The following CACNA1E variants were observed in gnomAD, a reference collection of about 807,000 sequenced individuals.
CACNA1E encodes the protein voltage-dependent R-type calcium channel subunit alpha-1E.
Under a neutral mutation model 259.2 loss-of-function variants are expected in CACNA1E, and 40 were observed. The ratio of observed to expected loss-of-function variants is 0.15; its 90% CI spans 0.12 to 0.20. CACNA1E has a LOEUF of 0.20. Among genes scored for constraint, CACNA1E ranks in the 10% least tolerant of loss-of-function variants. CACNA1E has a pLI of 1.00. For missense variants in CACNA1E, 1,874 were observed against 3,040.1 expected, an observed-to-expected ratio of 0.62 and a Z score of 9.02; for synonymous variants, 1,104 against 1,138.5, an observed-to-expected ratio of 0.97 and a Z score of 0.61.
intron 37 of CACNA1E, among the ~76,000 whole-genome samples, chr1:181,775,666 A>G (rs758167140): frequency 3.3e-4 from 50 of 152,042 alleles, no homozygotes; most frequent in Non-Finnish European, 5.3e-4. Context: ...GGTTGAGGAA[A>G]GAAAACAAAA....
At chr1:181,528,576 G>T (rs1355388478) in intron 3 of CACNA1E, among the ~76,000 whole-genome samples, 1 of 152,212 alleles carries the variant, frequency 6.6e-6, no homozygotes, top group African/African-American at 2.4e-5. Flanking sequence ...TTAGAGACTT[G>T]TTGAATGGCT....
chr1:181,685,109 A>G (rs1046868892), intron 7 of CACNA1E, among the ~76,000 whole-genome samples: 3 of 151,422 alleles, frequency 2.0e-5, no homozygotes, highest in Non-Finnish European at 4.4e-5. Flanking sequence ...TGCATAGTAT[A>G]TACTAATTAG....
chr1:181,744,411 G>A (rs1415120806), intron 25 of CACNA1E, among the ~76,000 whole-genome samples: 3 of 152,216 alleles, frequency 2.0e-5, no homozygotes, highest in Non-Finnish European at 4.4e-5. Context: ...AAGGCTGGGA[G>A]TTTGAGAATA....
At chr1:181,691,879 T>A (rs1383684919) in intron 7 of CACNA1E, among the ~76,000 whole-genome samples, 2 of 152,010 alleles carry the variant, frequency 1.3e-5, no homozygotes, top group African/African-American at 2.4e-5. Flanking sequence ...TCAAACTATC[T>A]CTCTTTGCTA....
intron 18 of CACNA1E, among the ~76,000 whole-genome samples, chr1:181,727,222 G>A (rs1159981653): frequency 6.6e-6 from 1 of 152,208 alleles, no homozygotes; most frequent in African/African-American, 2.4e-5. Flanking sequence ...CCCAGCTGCT[G>A]AGGACAGAGG....
intron 2 of CACNA1E, among the ~76,000 whole-genome samples, chr1:181,466,476 AGGT>A (rs888130114): frequency 7.9e-5 from 12 of 152,024 alleles, no homozygotes; most frequent in African/African-American, 2.9e-4. Context: ...TGAGTTTGGG[AGGT>A]GGTGGTTGCA....
In CACNA1E at chr1:181,781,533, C is replaced by T. The variant is rs1572881961; in HGVS notation, c.5364+10C>T. On this transcript the variant is annotated intron_variant, in intron 39 of 47. Coordinates refer to ENST00000367573, the MANE Select transcript of CACNA1E (RefSeq NM_001205293.3). ...CAAAGTGGCATATAAGGTAGACCAC[C>T]CCTTCCTTTGCTCTGGGCTACAGAC... The T allele has an allele frequency of 7.2e-7, 1 of 1,394,836 alleles. No individual in the cohort carries two copies. The highest frequency in any genetic ancestry group is 1.0e-6 in the Non-Finnish European group (1 of 992,694). The allele number at this position is 1,394,836 out of a possible 1,614,324, so 86.4% of individuals were successfully genotyped here. A position where few individuals can be genotyped will look rare whatever the true frequency, so the allele number is the denominator to read the frequency against.
At position 181,732,663 on chromosome 1, in the gene CACNA1E, T is replaced by A. The variant is rs35737760; in HGVS notation, c.2577T>A (p.Asp859Glu). The change falls in exon 20 of 48, where the codon GAT becomes GAA. Residue 859 changes from aspartate (D) to glutamate (E), a missense_variant. Physicochemically the swap from Asp to Glu is conservative, Grantham distance 45. Around this residue, in one of 14 missense-constraint regions of CACNA1E, gnomAD observed 476 missense variants for 514.0 expected, o/e 0.93. Transcript: ENST00000367573. This position sits in a 1 kb window ranked among gnomAD's most constrained non-coding sequence, Gnocchi z 5.5. ...RISRGGSLKG[D>E]GGDRSSALDN... is the part of the protein sequence containing the mutation. Reference sequence around the variant, plus strand: ...GCCGTGGGGGGTCCCTCAAGGGGGATGGAGGGGACCGATCCAGTGCCCTGG... The same window carrying A: ...GCCGTGGGGGGTCCCTCAAGGGGGAAGGAGGGGACCGATCCAGTGCCCTGG... The A allele has an allele frequency of 0.13, 193,880 of 1,517,230 alleles. 13,365 individuals carry two copies. Among genetic ancestry groups the A allele is most frequent in the South Asian group, 0.24 (17,552 of 74,672 alleles). 94.0% of individuals were successfully genotyped at this position (1,517,230 alleles called of 1,614,324 possible). A position where few individuals can be genotyped will look rare whatever the true frequency, so the allele number is the denominator to read the frequency against.
intron 23 of CACNA1E, among the ~76,000 whole-genome samples, chr1:181,738,019 A>C (rs564774380): frequency 6.6e-6 from 1 of 152,316 alleles, no homozygotes; most frequent in African/African-American, 2.4e-5. Flanking sequence ...AGGAGACATG[A>C]GGGACGCGAG....
At chr1:181,642,435 C>T (rs548091946) in intron 6 of CACNA1E, among the ~76,000 whole-genome samples, 10 of 152,052 alleles carry the variant, frequency 6.6e-5, no homozygotes, top group African/African-American at 2.2e-4. Flanking sequence ...GGTTGAAGAG[C>T]GGTTACCTTG....
intron 2 of CACNA1E, among the ~76,000 whole-genome samples, chr1:181,422,760 C>G (rs1448183777): frequency 6.6e-6 from 1 of 152,126 alleles, no homozygotes; most frequent in African/African-American, 2.4e-5. Flanking sequence ...TCCTCACCTT[C>G]AGGAGCCTGT....
In CACNA1E at chr1:181,763,748, T is replaced by C. The variant is rs73045141; in HGVS notation, c.4815+217T>C. ...ATGTCTACTGGATAGAATCTTATTT[T>C]AGAAAAACACCTTGACTTTGTGACT... On this transcript the variant is annotated intron_variant, in intron 34 of 47. Coordinates refer to ENST00000367573, the MANE Select transcript of CACNA1E (RefSeq NM_001205293.3). Among the ~76,000 whole-genome samples the C allele has an allele frequency of 0.032, 4,932 of 152,290 alleles. 136 individuals carry two copies. Among genetic ancestry groups the C allele is most frequent in the African/African-American group, 0.077 (3,214 of 41,554 alleles).
intron 24 of CACNA1E, 109 bp downstream of exon 24, chr1:181,738,535 C>T (rs1342774944): frequency 4.9e-5 from 41 of 839,406 alleles, no homozygotes; most frequent in Non-Finnish European, 3.2e-5. Context: ...CAATGGCAGC[C>T]CTCAGTAGAG....
intron 7 of CACNA1E, among the ~76,000 whole-genome samples, chr1:181,708,965 CAGG>C (rs992503292): frequency 6.6e-6 from 1 of 152,026 alleles, no homozygotes; most frequent in African/African-American, 2.4e-5. Flanking sequence ...GAGAAAGAGA[CAGG>C]AGGTTGAGAG....
chr1:181,331,015 A>G (rs998285261), intron 1 of CACNA1E, among the ~76,000 whole-genome samples: 2 of 152,184 alleles, frequency 1.3e-5, no homozygotes, highest in African/African-American at 4.8e-5. Context: ...GCACCACCAT[A>G]GTACCTGTGG....
chr1:181,568,011 T>C (rs1420009618), intron 3 of CACNA1E, among the ~76,000 whole-genome samples: 1 of 152,200 alleles, frequency 6.6e-6, no homozygotes, highest in Non-Finnish European at 1.5e-5. Flanking sequence ...TTGCTTAATG[T>C]AGGCTATGAT....
chr1:181,717,348 G>C (rs761568553), intron 11 of CACNA1E, 46 bp downstream of exon 11: 11 of 1,510,660 alleles, frequency 7.3e-6, no homozygotes, highest in Non-Finnish European at 1.0e-5. Context: ...GTCCCCATGT[G>C]GGGCAGCTTG....
In CACNA1E at chr1:181,798,764, C is replaced by T; in HGVS notation, c.6872C>T (p.Pro2291Leu). ...GHYRRRRRGG[P>L]GPGMMCGAVN... Reference sequence around the variant, plus strand: ...TATCGGCGGCGGAGGCGCGGGGGGCCTGGGCCAGGCATGATGTGTGGGGCT... The same window carrying T: ...TATCGGCGGCGGAGGCGCGGGGGGCTTGGGCCAGGCATGATGTGTGGGGCT... Residue 2291 changes from proline (P) to leucine (L), a missense_variant, in exon 48 of 48, where the codon CCT becomes CTT. Pro to Leu is a moderately conservative substitution (Grantham distance 98). Coordinates refer to ENST00000367573, the MANE Select transcript of CACNA1E (RefSeq NM_001205293.3). The surrounding 1 kb of genome is among the most constrained non-coding windows in gnomAD (Gnocchi z 4.2). 6.3e-7 allele frequency: 1 copy of T among 1,596,874 alleles called. No individual in the cohort carries two copies. Among genetic ancestry groups the T allele is most frequent in the Non-Finnish European group, 8.5e-7 (1 of 1,171,500 alleles).
intron 25 of CACNA1E, among the ~76,000 whole-genome samples, chr1:181,748,469 G>C (rs1297840855): frequency 3.3e-5 from 5 of 152,180 alleles, no homozygotes; most frequent in African/African-American, 1.2e-4. Context: ...GAAGACGCAT[G>C]TCTATGAGCA....
Sources: gnomAD v4.1 joint callset for allele counts (sites outside exome capture counted in the v4.1 genomes callset) on GRCh38, gnomAD v4.1.1 for gene constraint, gnomAD v4.1.1 regional missense constraint, Gnocchi (gnomAD v3.1) non-coding constraint, MANE v1.5 for transcripts, NCBI Gene and HGNC (gene_info 2026-07-23, HGNC 2026-07-21) for gene names.